Variants in DDIAS observed in about 807,000 individuals in gnomAD.
DDIAS encodes DNA damage-induced apoptosis suppressor protein.
Under a neutral mutation model 15.7 loss-of-function variants are expected in DDIAS, and 14 were observed. That is an observed-to-expected ratio of 0.89 (90% confidence interval 0.59 to 1.39). The LOEUF (loss-of-function observed/expected upper bound fraction) is 1.39. Ranked by LOEUF, DDIAS falls within the 40% of genes most tolerant of loss-of-function variation. The probability of loss-of-function intolerance (pLI) is 0.00; values close to 1 mark genes in which losing one functional copy is unlikely to be tolerated. For synonymous variants in DDIAS, 355 were observed against 395.9 expected (o/e 0.90, Z 1.23); for missense variants, 1,035 against 1,130.9 (o/e 0.92, Z 1.22).
In DDIAS at chr11:82,931,178, A is replaced by C. The variant is rs549852771; in HGVS notation, c.394-554A>C. ...GTTAAATAAATTGTCCAAAGTCTCA[A>C]CACTATTAATAAATGCGGGAACTAG... On this transcript the variant is annotated intron_variant, in intron 5 of 5. Transcript: ENST00000533655. 2.6e-5 allele frequency among the ~76,000 whole-genome samples: 4 copies of C among 152,282 alleles called. No individual in the cohort carries two copies. The South Asian group carries it at 8.3e-4, about 32-fold the overall frequency.
At chr11:82,926,704 T>G (rs1327948978) in intron 3 of DDIAS, among the ~76,000 whole-genome samples, 1 of 152,216 alleles carries the variant, frequency 6.6e-6, no homozygotes, top group African/African-American at 2.4e-5. Context: ...AGAATCTTCA[T>G]TTTAACAAGA....
chr11:82,916,939 A>T (rs1860644186), intron 3 of DDIAS, among the ~76,000 whole-genome samples: 1 of 152,118 alleles, frequency 6.6e-6, no homozygotes, highest in African/African-American at 2.4e-5. Flanking sequence ...ATTAGCAGCG[A>T]AGTTTGTATT....
intron 5 of DDIAS, 55 bp from the exon 6 acceptor site, chr11:82,931,677 T>C (rs976734392): frequency 1.4e-5 from 21 of 1,479,582 alleles, no homozygotes; most frequent in Middle Eastern, 3.6e-4. Flanking sequence ...GTTTCATGTT[T>C]AAGTAAATGG....
chr11:82,904,114 T>C (rs1860381147), intron 1 of DDIAS, among the ~76,000 whole-genome samples: 1 of 152,228 alleles, frequency 6.6e-6, no homozygotes, highest in Non-Finnish European at 1.5e-5. Context: ...GCAAAAGCAC[T>C]TTGCAAACTG....
At chr11:82,927,843 CTTTA>C (rs113050158) in intron 3 of DDIAS, among the ~76,000 whole-genome samples, 1,916 of 152,188 alleles carry the variant, frequency 0.013, 31 homozygotes, top group African/African-American at 0.043. Flanking sequence ...GCACTAGACC[CTTTA>C]TTTGTCTATT....
intron 3 of DDIAS, among the ~76,000 whole-genome samples, chr11:82,927,582 C>G (rs541844090): frequency 3.4e-4 from 52 of 152,282 alleles, no homozygotes; most frequent in Non-Finnish European, 6.8e-4. Context: ...AAACAAAATT[C>G]TAGTATTAGC....
rs149204418 is a variant in DDIAS, at chr11:82,933,129, T to C, written c.1791T>C (p.Tyr597=). Residue 597 remains tyrosine, a synonymous_variant, in exon 6 of 6, where the codon TAT becomes TAC. Transcript: ENST00000533655. The part of the protein sequence containing the change: ...EMNEKLTTLC[Y]RKYNDVSDLC... ...ATGAAAAGTTGACAACTCTGTGTTATAGGAAGTATAATGATGTCTCTGATC... is the reference window on the plus strand; with the variant it reads ...ATGAAAAGTTGACAACTCTGTGTTACAGGAAGTATAATGATGTCTCTGATC... 1.4e-3 allele frequency: 2,184 copies of C among 1,607,456 alleles called. 21 individuals carry two copies. The Admixed American group carries it at 0.017, about 13-fold the overall frequency.
chr11:82,903,513 G>A (rs1339937601), intron 1 of DDIAS, among the ~76,000 whole-genome samples: 2 of 152,136 alleles, frequency 1.3e-5, no homozygotes, highest in African/African-American at 2.4e-5. Flanking sequence ...GATTTTCCTG[G>A]TTCATGTTTT....
At position 82,934,635 on chromosome 11, in the gene DDIAS, G is replaced by A. The variant is rs1005129546; in HGVS notation, c.*300G>A. 3.3e-4 allele frequency: 77 copies of A among 234,012 alleles called. No individual in the cohort carries two copies. The highest frequency in any genetic ancestry group is 5.9e-4 in the Non-Finnish European group (72 of 123,042). 14.5% of individuals were successfully genotyped at this position (234,012 alleles called of 1,614,324 possible). Reference sequence around the variant, plus strand: ...TTTGTTAAAATCACATATACATCCAGAAATAAAGACTTTGCAAACCAAAAC... The same window carrying A: ...TTTGTTAAAATCACATATACATCCAAAAATAAAGACTTTGCAAACCAAAAC... On this transcript the variant is annotated 3_prime_UTR_variant, in exon 6 of 6. Transcript: ENST00000533655.
At chr11:82,906,393 A>T (rs1860432018) in intron 1 of DDIAS, among the ~76,000 whole-genome samples, 1 of 152,170 alleles carries the variant, frequency 6.6e-6, no homozygotes. Flanking sequence ...AATAAAGACA[A>T]TGTAACCAAC....
At chr11:82,929,289 T>C (rs1366994402) in intron 4 of DDIAS, among the ~76,000 whole-genome samples, 4 of 152,212 alleles carry the variant, frequency 2.6e-5, no homozygotes, top group Admixed American at 2.6e-4. Context: ...GGCAGAAGAA[T>C]CTATTTGAGG....
rs756668338 is a variant in DDIAS, at chr11:82,919,866, C to CT, written c.113+5016dup. Reference sequence around the variant, plus strand: ...TCAGCCTCCTGAGTAGCTGGGACTACTGGTGCCCACCACCATGCCCAGCTA... The same window carrying CT: ...TCAGCCTCCTGAGTAGCTGGGACTACTTGGTGCCCACCACCATGCCCAGCTA... On this transcript the variant is annotated intron_variant, in intron 3 of 5. Coordinates refer to ENST00000533655, the MANE Select transcript of DDIAS (RefSeq NM_145018.4). 9.8e-4 allele frequency among the ~76,000 whole-genome samples: 150 copies of CT among 152,294 alleles called. 1 individual carries two copies. Among genetic ancestry groups the CT allele is most frequent in the South Asian group, 5.2e-3 (25 of 4,826 alleles).
At chr11:82,912,463 C>A (rs1471576610) in intron 1 of DDIAS, among the ~76,000 whole-genome samples, 1 of 152,174 alleles carries the variant, frequency 6.6e-6, no homozygotes, top group African/African-American at 2.4e-5. Flanking sequence ...CAAGAACCAG[C>A]CTCTGCTAGC....
At position 82,933,212 on chromosome 11, in the gene DDIAS, T is replaced by A. The variant is rs375906511; in HGVS notation, c.1874T>A (p.Phe625Tyr). ...TGGTCCAAGAACCAAGATGACAGTT[T>A]TACAATTTGCAGGAAACTTACATAT... is the stretch of plus-strand genomic sequence containing the variant. ...CRWSKNQDDS[F>Y]TICRKLTYPL... is the part of the protein sequence containing the mutation. Residue 625 changes from phenylalanine to tyrosine, a missense_variant, in exon 6 of 6, where the codon TTT becomes TAT. Transcript: ENST00000533655. 6.8e-6 allele frequency: 11 copies of A among 1,611,964 alleles called. No homozygotes were observed. The highest frequency in any genetic ancestry group is 9.3e-6 in the Non-Finnish European group (11 of 1,179,644).
chr11:82,914,856 A>C lies in DDIAS; in HGVS notation c.113+5A>C. The C allele has an allele frequency of 6.5e-7, 1 of 1,536,716 alleles. No homozygotes were observed. Among genetic ancestry groups the C allele is most frequent in the Non-Finnish European group, 9.0e-7 (1 of 1,113,540 alleles). On this transcript the variant is annotated splice_donor_5th_base_variant and intron_variant, in intron 3 of 5. Coordinates refer to ENST00000533655, the MANE Select transcript of DDIAS (RefSeq NM_145018.4). ...GATAATCCTGGTCTCCAAAAGGTAAAAGTAAAGTCTGTAAGTGTGAGAGAG... is the reference window on the plus strand; with the variant it reads ...GATAATCCTGGTCTCCAAAAGGTAACAGTAAAGTCTGTAAGTGTGAGAGAG...
chr11:82,932,776 A>C lies in DDIAS; in HGVS notation c.1438A>C (p.Arg480=), dbSNP rs143995964. Residue 480 remains arginine (R), a synonymous_variant, in exon 6 of 6, where the codon AGA becomes CGA. Coordinates refer to ENST00000533655, the MANE Select transcript of DDIAS (RefSeq NM_145018.4). ...CCTGCATACACCACCTATAGCTTTA[A>C]GATCATCACAAGTAATAGTCAAAGC... ...GALHTPPIAL[R]SSQVIVKANC... The C allele has an allele frequency of 3.7e-5, 59 of 1,613,980 alleles. No individual in the cohort carries two copies. In the African/African-American group the frequency reaches 7.5e-4, roughly 20 times the overall value.
Position 82,932,650 on chromosome 11 carries a change from G to A in DDIAS, c.1312G>A (p.Ala438Thr), listed in dbSNP as rs997584660. The A allele has an allele frequency of 1.2e-6, 2 of 1,613,938 alleles. No individual in the cohort carries two copies. Among genetic ancestry groups the A allele is most frequent in the Non-Finnish European group, 1.7e-6 (2 of 1,180,032 alleles). ...VLESEIAVTQ[A>T]DVSSRKHHVD... is the part of the protein sequence containing the mutation. ...TGAAAGTGAGATTGCTGTAACCCAG[G>A]CAGATGTCAGTAGTAGGAAACATCA... The change falls in exon 6 of 6, where the codon GCA becomes ACA. Residue 438 changes from alanine to threonine, a missense_variant. By Grantham distance (58) the Ala-to-Thr change is moderately conservative. Coordinates refer to ENST00000533655, the MANE Select transcript of DDIAS (RefSeq NM_145018.4).
rs1452771991 is a variant in DDIAS at position 82,932,370 on chromosome 11, G to A, written c.1032G>A (p.Met344Ile). 1 of 1,613,874 alleles carries A rather than the reference G, an allele frequency of 6.2e-7. No homozygotes were observed. Among genetic ancestry groups the A allele is most frequent in the African/African-American group, 1.3e-5 (1 of 74,896 alleles). The change falls in exon 6 of 6, where the codon ATG becomes ATA. Residue 344 changes from methionine (M) to isoleucine (I), a missense_variant. Met to Ile is a conservative substitution (Grantham distance 10). Transcript: ENST00000533655. The part of the protein sequence containing the change: ...VNDSNLFSLE[M>I]REPLESSNTK... Reference sequence around the variant, plus strand: ...ACTCTAATTTATTCTCTTTGGAAATGCGAGAGCCCCTTGAGTCAAGTAATA... The same window carrying A: ...ACTCTAATTTATTCTCTTTGGAAATACGAGAGCCCCTTGAGTCAAGTAATA...
chr11:82,918,635 C>T (rs1192949060), intron 3 of DDIAS, among the ~76,000 whole-genome samples: 1 of 152,064 alleles, frequency 6.6e-6, no homozygotes, highest in Non-Finnish European at 1.5e-5. Context: ...GTAGGGATTG[C>T]ACTGAATTTG....
Sources: gnomAD v4.1 joint callset for allele counts (sites outside exome capture counted in the v4.1 genomes callset) on GRCh38, gnomAD v4.1.1 for gene constraint, MANE v1.5 for transcripts, NCBI Gene and HGNC (gene_info 2026-07-23, HGNC 2026-07-21) for gene names.